The following EPHA6 variants were observed in gnomAD, a reference collection of about 807,000 sequenced individuals.
The protein encoded by EPHA6 is ephrin type-A receptor 6.
In EPHA6, 50 loss-of-function variants were observed where a neutral mutation model predicts 112.0. That is an observed-to-expected ratio of 0.45 (90% CI 0.36 to 0.56). EPHA6 has a LOEUF of 0.56. EPHA6 is among the 20% of genes least tolerant of loss of function. The pLI, the probability that EPHA6 is intolerant of heterozygous loss-of-function variation, is 0.00. For missense variants in EPHA6, 1,280 were observed against 1,417.4 expected (o/e 0.90, Z 1.56); for synonymous variants, 529 against 490.7 (o/e 1.08, Z -1.03).
chr3:97,145,332 A>C (rs557325292), intron 3 of EPHA6, among the ~76,000 whole-genome samples: 1 of 151,540 alleles, frequency 6.6e-6, no homozygotes, highest in South Asian at 2.1e-4. Context: ...TATATATTCT[A>C]TACTTTCAGA....
chr3:97,665,795 C>T (rs904309995), intron 14 of EPHA6, among the ~76,000 whole-genome samples: 1 of 152,182 alleles, frequency 6.6e-6, no homozygotes, highest in African/African-American at 2.4e-5. Flanking sequence ...CGGTGGGTCA[C>T]GCCTGTAATC....
chr3:97,381,426 G>GA (rs1357589098), intron 5 of EPHA6, among the ~76,000 whole-genome samples: 4 of 151,960 alleles, frequency 2.6e-5, no homozygotes, highest in Non-Finnish European at 5.9e-5. Context: ...ATTAGGCATA[G>GA]AAAAAATAAG....
In EPHA6 at chr3:97,481,206, AGAC is replaced by A. The variant is rs773259595; in HGVS notation, c.2074+1843_2074+1845del. Reference sequence around the variant, plus strand: ...CAATTTCCTCATGAAGTACTGGAAAAGACAACCTTTTTCTCCATTACTATTTGG... The same window carrying A: ...CAATTTCCTCATGAAGTACTGGAAAAAACCTTTTTCTCCATTACTATTTGG... On this transcript the variant is annotated intron_variant, in intron 9 of 17. Transcript: ENST00000389672. 4.2e-5 allele frequency: 51 copies of A among 1,209,798 alleles called. No homozygotes were observed. In the East Asian group the frequency reaches 1.2e-3, roughly 28 times the overall value. The allele number at this position is 1,209,798 out of a possible 1,614,324, so 74.9% of individuals were successfully genotyped here. A position where few individuals can be genotyped will look rare whatever the true frequency, so the allele number is the denominator to read the frequency against.
chr3:97,063,711 T>A (rs568557677), intron 3 of EPHA6, among the ~76,000 whole-genome samples: 5 of 151,978 alleles, frequency 3.3e-5, no homozygotes, highest in African/African-American at 1.2e-4. Context: ...AAATAAAATT[T>A]AAAAATATAA....
chr3:96,914,254 C>A (rs1322951587), intron 2 of EPHA6, among the ~76,000 whole-genome samples: 6 of 152,062 alleles, frequency 3.9e-5, no homozygotes. Context: ...TTGTAGATAT[C>A]TATCTTTTTG....
At chr3:97,264,450 C>T (rs1270811589) in intron 5 of EPHA6, among the ~76,000 whole-genome samples, 1 of 152,232 alleles carries the variant, frequency 6.6e-6, no homozygotes, top group African/African-American at 2.4e-5. Flanking sequence ...CTCCAGCTGG[C>T]AGCAGGGAAT....
At chr3:97,005,810 A>G (rs2043856064) in intron 3 of EPHA6, among the ~76,000 whole-genome samples, 1 of 152,202 alleles carries the variant, frequency 6.6e-6, no homozygotes, top group Non-Finnish European at 1.5e-5. Context: ...TAGTTTATTA[A>G]GAGTTTTTAA....
chr3:96,944,014 A>G (rs2041119656), intron 2 of EPHA6, among the ~76,000 whole-genome samples: 2 of 152,196 alleles, frequency 1.3e-5, no homozygotes, highest in South Asian at 2.1e-4. Context: ...AACATGCTTA[A>G]TATATTTATC....
intron 5 of EPHA6, among the ~76,000 whole-genome samples, chr3:97,249,494 A>G (rs1351188082): frequency 6.6e-6 from 1 of 152,154 alleles, no homozygotes; most frequent in Admixed American, 6.6e-5. Flanking sequence ...CTTTTGAGTA[A>G]TTGAATACTA....
At chr3:97,639,419 A>C (rs1438234485) in intron 14 of EPHA6, among the ~76,000 whole-genome samples, 1 of 152,072 alleles carries the variant, frequency 6.6e-6, no homozygotes, top group East Asian at 1.9e-4. Flanking sequence ...CAACGAATAT[A>C]AAATTTTTCC....
At chr3:97,358,082 G>A (rs925493928) in intron 5 of EPHA6, among the ~76,000 whole-genome samples, 9 of 152,078 alleles carry the variant, frequency 5.9e-5, no homozygotes, top group African/African-American at 1.7e-4. Context: ...GTTCAAACCC[G>A]TGTTTTTCAA....
intron 3 of EPHA6, among the ~76,000 whole-genome samples, chr3:97,046,268 T>G (rs2045503063): frequency 6.6e-6 from 1 of 152,152 alleles, no homozygotes; most frequent in African/African-American, 2.4e-5. Context: ...GAAGGATATT[T>G]TAACATAAAA....
chr3:96,878,572 C>A (rs2037115256), intron 2 of EPHA6, among the ~76,000 whole-genome samples: 1 of 151,906 alleles, frequency 6.6e-6, no homozygotes, highest in South Asian at 2.1e-4. Context: ...AGTCTAGATG[C>A]AGACTATTAA....
intron 2 of EPHA6, among the ~76,000 whole-genome samples, chr3:96,965,140 G>C (rs1381060209): frequency 6.6e-6 from 1 of 152,102 alleles, no homozygotes; most frequent in Non-Finnish European, 1.5e-5. Context: ...GTTGAAATAT[G>C]GCCTCTGGGA....
chr3:97,228,522 G>GGT (rs927353682), intron 4 of EPHA6, among the ~76,000 whole-genome samples: 318 of 147,686 alleles, frequency 2.2e-3, no homozygotes, highest in South Asian at 9.3e-3. Flanking sequence ...AGCATTCTAT[G>GGT]GTGTGTGTGT....
chr3:97,392,942 A>G (rs2086498762), intron 5 of EPHA6, among the ~76,000 whole-genome samples: 1 of 151,798 alleles, frequency 6.6e-6, no homozygotes, highest in South Asian at 2.1e-4. Flanking sequence ...TTCTACATTT[A>G]AAACCTATTT....
chr3:96,924,540 T>C (rs1384056758), intron 2 of EPHA6, among the ~76,000 whole-genome samples: 3 of 152,172 alleles, frequency 2.0e-5, no homozygotes, highest in Non-Finnish European at 4.4e-5. Flanking sequence ...TAAGAAGCTT[T>C]TTGGCTGACC....
At chr3:97,303,639 T>C (rs1272571793) in intron 5 of EPHA6, among the ~76,000 whole-genome samples, 3 of 151,828 alleles carry the variant, frequency 2.0e-5, no homozygotes, top group African/African-American at 7.3e-5. Context: ...ACAGAAATAA[T>C]TTAAAACAGG....
At chr3:97,187,743 AAGAG>A (rs771941291) in intron 3 of EPHA6, among the ~76,000 whole-genome samples, 87 of 145,674 alleles carry the variant, frequency 6.0e-4, no homozygotes, top group African/African-American at 2.1e-3. Flanking sequence ...GAAAGAAAGA[AAGAG>A]GAAAGAAAGA....
Sources: gnomAD v4.1 joint callset for allele counts (sites outside exome capture counted in the v4.1 genomes callset) on GRCh38, gnomAD v4.1.1 for gene constraint, MANE v1.5 for transcripts, NCBI Gene and HGNC (gene_info 2026-07-23, HGNC 2026-07-21) for gene names.